The following GHR variants were observed in gnomAD, a reference collection of about 807,000 sequenced individuals.
GHR encodes growth hormone receptor.
In GHR, 35 loss-of-function variants were observed where a neutral mutation model predicts 67.1. The observed-to-expected ratio is 0.52, with a 90% CI of 0.40 to 0.69. The LOEUF (loss-of-function observed/expected upper bound fraction) is 0.69, where lower values mean the gene tolerates loss of function less well. GHR is among the 30% of genes least tolerant of loss of function. GHR has a pLI of 0.00. For synonymous variants in GHR, 272 were observed against 269.1 expected, an observed-to-expected ratio of 1.01 and a Z score of -0.10; for missense variants, 792 against 764.6, an observed-to-expected ratio of 1.04 and a Z score of -0.42.
chr5:42,467,987 A>G (rs891936987), intron 1 of GHR: 1 of 729,772 alleles, frequency 1.4e-6, no homozygotes, highest in Non-Finnish European at 2.4e-6. Context: ...CCTCTTTAAC[A>G]TGTTTTCTTT....
intron 3 of GHR, among the ~76,000 whole-genome samples, chr5:42,644,204 C>G (rs562718859): frequency 6.6e-6 from 1 of 152,170 alleles, no homozygotes; most frequent in East Asian, 1.9e-4. Flanking sequence ...TTATATGTCT[C>G]CTGATACTTA....
chr5:42,499,997 C>T (rs1446848743), intron 1 of GHR, among the ~76,000 whole-genome samples: 1 of 152,200 alleles, frequency 6.6e-6, no homozygotes, highest in Non-Finnish European at 1.5e-5. Flanking sequence ...TTCCCCTCCC[C>T]TCCACTCCTG....
At chr5:42,615,439 A>G (rs1753095177) in intron 2 of GHR, among the ~76,000 whole-genome samples, 1 of 152,080 alleles carries the variant, frequency 6.6e-6, no homozygotes, top group African/African-American at 2.4e-5. Context: ...CTCAGGAATC[A>G]TGTCTGCAAC....
intron 1 of GHR, among the ~76,000 whole-genome samples, chr5:42,455,097 C>T (rs1204536501): frequency 2.0e-5 from 3 of 152,102 alleles, no homozygotes; most frequent in Non-Finnish European, 4.4e-5. Context: ...TTGTGTTTCA[C>T]GTGGCTCCCT....
chr5:42,499,761 G>A (rs1746462144), intron 1 of GHR, among the ~76,000 whole-genome samples: 1 of 152,122 alleles, frequency 6.6e-6, no homozygotes, highest in Non-Finnish European at 1.5e-5. Context: ...CTTAGCTGAA[G>A]CACCATGACT....
chr5:42,503,939 T>C (rs1190870470), intron 1 of GHR, among the ~76,000 whole-genome samples: 2 of 152,056 alleles, frequency 1.3e-5, no homozygotes, highest in African/African-American at 4.8e-5. Flanking sequence ...TGAAAGGGAT[T>C]GGGATAAAAG....
At chr5:42,708,607 A>T (rs1415416981) in intron 6 of GHR, among the ~76,000 whole-genome samples, 1 of 152,176 alleles carries the variant, frequency 6.6e-6, no homozygotes, top group Non-Finnish European at 1.5e-5. Flanking sequence ...AGTGTAAAGG[A>T]GTCCTGAAAT....
chr5:42,457,536 G>C (rs1377557519), intron 1 of GHR, among the ~76,000 whole-genome samples: 1 of 152,176 alleles, frequency 6.6e-6, no homozygotes, highest in Non-Finnish European at 1.5e-5. Flanking sequence ...GAGGAACACA[G>C]AGGCTCAAAG....
chr5:42,617,385 T>TACACACAC (rs10581858), intron 2 of GHR, among the ~76,000 whole-genome samples: 7 of 149,258 alleles, frequency 4.7e-5, no homozygotes, highest in East Asian at 2.0e-4. Flanking sequence ...AAGTTCATTT[T>TACACACAC]ACACACACAC....
intron 1 of GHR, chr5:42,468,452 G>A (rs1212423440): frequency 3.4e-6 from 3 of 881,040 alleles, no homozygotes; most frequent in Non-Finnish European, 5.3e-6. Context: ...TATTGCCTAC[G>A]TGCGCAGCTG....
intron 1 of GHR, among the ~76,000 whole-genome samples, chr5:42,519,886 G>A (rs1747400449): frequency 6.6e-6 from 1 of 152,122 alleles, no homozygotes. Flanking sequence ...ATGACCATAA[G>A]TACAGTTGTT....
intron 1 of GHR, among the ~76,000 whole-genome samples, chr5:42,541,070 G>T (rs766137788): frequency 6.6e-6 from 1 of 150,572 alleles, no homozygotes; most frequent in African/African-American, 2.4e-5. Context: ...CTCACCATTA[G>T]TTCATTCACC....
chr5:42,627,598 C>CT (rs1753766262), intron 2 of GHR, among the ~76,000 whole-genome samples: 1 of 152,278 alleles, frequency 6.6e-6, no homozygotes, highest in African/African-American at 2.4e-5. Flanking sequence ...TCTCACAGAG[C>CT]TTGCGACAGG....
At chr5:42,547,530 A>G (rs898728203) in intron 1 of GHR, among the ~76,000 whole-genome samples, 1 of 152,084 alleles carries the variant, frequency 6.6e-6, no homozygotes, top group African/African-American at 2.4e-5. Flanking sequence ...AGTATTTTAT[A>G]CCTTTTAGTT....
chr5:42,568,805 T>C (rs1750099148), intron 2 of GHR, among the ~76,000 whole-genome samples: 1 of 152,138 alleles, frequency 6.6e-6, no homozygotes, highest in Non-Finnish European at 1.5e-5. Flanking sequence ...AAAGAATAGA[T>C]CAAGGTGGAC....
At chr5:42,456,664 G>C (rs1480621792) in intron 1 of GHR, among the ~76,000 whole-genome samples, 2 of 152,148 alleles carry the variant, frequency 1.3e-5, no homozygotes, top group East Asian at 1.9e-4. Context: ...GCTCTTGAAG[G>C]CATTGTCATT....
chr5:42,507,363 T>C (rs1746823164), intron 1 of GHR, among the ~76,000 whole-genome samples: 1 of 152,238 alleles, frequency 6.6e-6, no homozygotes, highest in Non-Finnish European at 1.5e-5. Context: ...TAAGAAATCC[T>C]ATCTCTACTT....
At chr5:42,468,406 G>A (rs1310518139) in intron 1 of GHR, 3 of 1,168,292 alleles carry the variant, frequency 2.6e-6, no homozygotes, top group Non-Finnish European at 2.4e-6. Flanking sequence ...TGTTTCAAAA[G>A]CTTCTTCTTG....
chr5:42,654,382 A>G (rs1647200122), intron 3 of GHR, among the ~76,000 whole-genome samples: 1 of 152,156 alleles, frequency 6.6e-6, no homozygotes. Context: ...ATGTCCCGAA[A>G]GACCCAAAAC....
Sources: gnomAD v4.1 joint callset for allele counts (sites outside exome capture counted in the v4.1 genomes callset) on GRCh38, gnomAD v4.1.1 for gene constraint, MANE v1.5 for transcripts, NCBI Gene and HGNC (gene_info 2026-07-23, HGNC 2026-07-21) for gene names.